The following SPG11 variants were observed in gnomAD, a reference collection of about 807,000 sequenced individuals.
The protein encoded by SPG11 is SPG11 vesicle trafficking associated, spatacsin, also known as spatacsin.
Under a neutral mutation model 274.0 loss-of-function variants are expected in SPG11, and 222 were observed. The observed-to-expected ratio is 0.81, with a 90% confidence interval of 0.73 to 0.91. The LOEUF (loss-of-function observed/expected upper bound fraction) is 0.91, where lower values mean the gene tolerates loss of function less well. SPG11 is among the 40% of genes least tolerant of loss of function. The pLI is 0.00. For missense variants in SPG11, 3,114 were observed against 2,872.7 expected (o/e 1.08, Z -1.92); for synonymous variants, 1,144 against 1,039.7 (o/e 1.10, Z -1.93).
intron 18 of SPG11, among the ~76,000 whole-genome samples, chr15:44,610,466 T>C (rs2083432545): frequency 1.3e-5 from 2 of 152,146 alleles, no homozygotes; most frequent in South Asian, 2.1e-4. Flanking sequence ...CACTGCAACC[T>C]CCGCCTCTCA....
Position 44,615,398 on chromosome 15 carries a change from C to G in SPG11, c.3003G>C (p.Leu1001=). The change falls in exon 16 of 40, where the codon CTG becomes CTC. Residue 1001 remains leucine, a synonymous_variant. Coordinates refer to ENST00000261866, the MANE Select transcript of SPG11 (RefSeq NM_025137.4). ...CAAGGTAGACATAAAGAAGATGCTG[C>G]AGACTGTGCTCCAAACAATAGAGAA... ...QFILYCLEHS[L]QHLLYVYLDC... 6.2e-7 allele frequency: 1 copy of G among 1,614,002 alleles called. No homozygotes were observed. The highest frequency in any genetic ancestry group is 8.5e-7 in the Non-Finnish European group (1 of 1,179,992).
At chr15:44,613,197 G>A (rs553059060) in intron 17 of SPG11, among the ~76,000 whole-genome samples, 1 of 152,306 alleles carries the variant, frequency 6.6e-6, no homozygotes, top group East Asian at 1.9e-4. Context: ...CTAAGGGGAA[G>A]GGGACAAAAC....
In SPG11 at chr15:44,625,521, C is replaced by T. The variant is rs965017393; in HGVS notation, c.2244+810G>A. Among the ~76,000 whole-genome samples the T allele has an allele frequency of 2.0e-5, 3 of 152,274 alleles. No individual in the cohort carries two copies. The East Asian group carries it at 5.8e-4, about 29-fold the overall frequency. On this transcript the variant is annotated intron_variant, in intron 11 of 39. Transcript: ENST00000261866. Reference sequence around the variant, plus strand: ...CCACTGCTCTCTCTTCCTCTTTCTCCTGCCATGTAAGACAGGCCTGCTTCC... The same window carrying T: ...CCACTGCTCTCTCTTCCTCTTTCTCTTGCCATGTAAGACAGGCCTGCTTCC...
chr15:44,612,055 C>T (rs770847514), intron 17 of SPG11, among the ~76,000 whole-genome samples: 2 of 152,082 alleles, frequency 1.3e-5, no homozygotes, highest in Non-Finnish European at 2.9e-5. Flanking sequence ...GTGATCTGCC[C>T]GCCTTGGCCT....
chr15:44,566,368 C>T (rs1297792776), intron 36 of SPG11, 63 bp from the exon 37 acceptor site: 4 of 1,503,788 alleles, frequency 2.7e-6, no homozygotes, highest in Admixed American at 3.6e-5. Context: ...TCTCATCCCA[C>T]TCATTGTGAT....
At position 44,600,502 on chromosome 15, in the gene SPG11, G is replaced by A; in HGVS notation, c.3651C>T (p.Val1217=). 1.9e-6 allele frequency: 3 copies of A among 1,613,978 alleles called. No individual in the cohort carries two copies. The highest frequency in any genetic ancestry group is 1.1e-5 in the South Asian group (1 of 91,072). ...RPSFAFGTFL[V]QELIKSKTPK... is the part of the protein sequence containing the mutation. ...GAGTCTTGCTCTTGATTAATTCCTG[G>A]ACCAGAAAAGTACCAAATGCAAATG... Residue 1217 remains valine, a synonymous_variant, in exon 21 of 40, where the codon GTC becomes GTT. Coordinates refer to ENST00000261866, the MANE Select transcript of SPG11 (RefSeq NM_025137.4).
At chr15:44,622,161 T>C in intron 13 of SPG11, 59 bp downstream of exon 13, 1 of 1,560,198 alleles carries the variant, frequency 6.4e-7, no homozygotes, top group Non-Finnish European at 8.8e-7. Flanking sequence ...CTAACAACTA[T>C]AAATGAAATA....
intron 29 of SPG11, among the ~76,000 whole-genome samples, chr15:44,585,118 A>T (rs2082729480): frequency 6.6e-6 from 1 of 152,168 alleles, no homozygotes; most frequent in South Asian, 2.1e-4. Context: ...TATCCTACAA[A>T]CTAATGTTAC....
At chr15:44,608,313 C>T in intron 19 of SPG11, 131 bp downstream of exon 19, 1 of 994,456 alleles carries the variant, frequency 1.0e-6, no homozygotes, top group Non-Finnish European at 1.5e-6. Context: ...CATTTGGTTT[C>T]CCCATTCTGC....
intron 10 of SPG11, among the ~76,000 whole-genome samples, chr15:44,626,810 C>G (rs182266190): frequency 2.6e-5 from 4 of 152,122 alleles, no homozygotes; most frequent in Admixed American, 6.6e-5. Flanking sequence ...TGACCACCCC[C>G]ACCCCCGTGT....
At chr15:44,573,840 T>G in intron 31 of SPG11, 95 bp from the exon 32 acceptor site, 1 of 1,151,466 alleles carries the variant, frequency 8.7e-7, no homozygotes, top group Non-Finnish European at 1.3e-6. Flanking sequence ...GACTCCACTG[T>G]ATTCTGAGCT....
chr15:44,657,031 T>A, intron 4 of SPG11, 64 bp downstream of exon 4: 3 of 1,407,190 alleles, frequency 2.1e-6, no homozygotes, highest in African/African-American at 1.5e-5. Context: ...CTAACGAGGA[T>A]ATTTTTAACC....
In SPG11 at chr15:44,649,003, G is replaced by C; in HGVS notation, c.1465C>G (p.Leu489Val). ...GTCAAACCAAACAAAATCAGAGAGA[G>C]TCCATTCTCTATAGGAAAAATAAAA... ...QLCFVLTENG[L>V]SLILFGLTQE... The change falls in exon 7 of 40, where the codon CTC becomes GTC. Residue 489 changes from leucine (L) to valine (V), a missense_variant. Coordinates refer to ENST00000261866, the MANE Select transcript of SPG11 (RefSeq NM_025137.4). 1 of 1,612,352 alleles carries C rather than the reference G, an allele frequency of 6.2e-7. No homozygotes were observed. The highest frequency in any genetic ancestry group is 8.5e-7 in the Non-Finnish European group (1 of 1,178,498).
intron 4 of SPG11, among the ~76,000 whole-genome samples, chr15:44,654,955 T>G (rs1044886943): frequency 2.0e-5 from 3 of 152,330 alleles, no homozygotes; most frequent in South Asian, 2.1e-4. Flanking sequence ...GATGCAGTAT[T>G]AAATAACTGC....
At chr15:44,623,304 G>T (rs547903618) in intron 11 of SPG11, among the ~76,000 whole-genome samples, 4 of 152,064 alleles carry the variant, frequency 2.6e-5, no homozygotes, top group Non-Finnish European at 5.9e-5. Flanking sequence ...TAAGCATTTT[G>T]TCAGAGCAAA....
intron 30 of SPG11, among the ~76,000 whole-genome samples, chr15:44,577,602 C>T (rs544147031): frequency 2.4e-4 from 37 of 152,036 alleles, no homozygotes; most frequent in Middle Eastern, 3.4e-3. Context: ...TTAAATCCTT[C>T]ACTGAGAGTT....
chr15:44,594,600 A>G (rs1227663382), intron 26 of SPG11, among the ~76,000 whole-genome samples: 1 of 149,216 alleles, frequency 6.7e-6, no homozygotes, highest in Non-Finnish European at 1.5e-5. Flanking sequence ...AAATGCGAAA[A>G]AAAAAAAAAA....
At chr15:44,658,435 T>C (rs771669551) in intron 3 of SPG11, among the ~76,000 whole-genome samples, 12 of 151,344 alleles carry the variant, frequency 7.9e-5, no homozygotes, top group Non-Finnish European at 1.3e-4. Context: ...TATTTATACA[T>C]GAAAAGACAT....
intron 7 of SPG11, among the ~76,000 whole-genome samples, chr15:44,641,632 C>CACACACAA (rs1416123255): frequency 1.4e-5 from 2 of 146,642 alleles, no homozygotes; most frequent in African/African-American, 2.5e-5. Flanking sequence ...CACACACACA[C>CACACACAA]AAAACCTTAA....
Sources: allele counts gnomAD v4.1 joint callset (sites outside exome capture counted in the v4.1 genomes callset), GRCh38; gene constraint gnomAD v4.1.1; transcripts MANE v1.5; gene names NCBI Gene and HGNC (gene_info 2026-07-23, HGNC 2026-07-21).